BBOF1: variants seen among roughly 807,000 people sequenced by gnomAD.
BBOF1 encodes the protein basal body-orientation factor 1.
Under a neutral mutation model 68.0 loss-of-function variants are expected in BBOF1, and 62 were observed. That is an observed-to-expected ratio of 0.91 (90% CI 0.74 to 1.13). The LOEUF is 1.13. Ranked by LOEUF, BBOF1 falls within the 50% of genes most tolerant of loss-of-function variation. BBOF1 has a pLI of 0.00. For missense variants in BBOF1, 534 were observed against 600.1 expected (o/e 0.89, Z 1.15); for synonymous variants, 208 against 198.8 (o/e 1.05, Z -0.39).
chr14:74,052,127 G>C (rs1269618496), intron 8 of BBOF1, among the ~76,000 whole-genome samples: 1 of 151,642 alleles, frequency 6.6e-6, no homozygotes, highest in Non-Finnish European at 1.5e-5. Context: ...CAAATAAGTT[G>C]AGTCCCTACC....
chr14:74,032,435 G>A (rs980740045), intron 3 of BBOF1, among the ~76,000 whole-genome samples: 13 of 149,392 alleles, frequency 8.7e-5, no homozygotes, highest in Middle Eastern at 3.4e-3. Context: ...CCTCAAACTT[G>A]ATTTTTGCAA....
At chr14:74,068,666 C>A (rs1015225037), downstream of BBOF1, among the ~76,000 whole-genome samples, 1 of 151,976 alleles carries the variant, frequency 6.6e-6, no homozygotes, top group African/African-American at 2.4e-5. Context: ...TCGCTTGAAC[C>A]CGGGAGGCAG....
chr14:74,035,856 TCACA>T (rs72129796), intron 4 of BBOF1, among the ~76,000 whole-genome samples: 16,899 of 151,900 alleles, frequency 0.11, 1,223 homozygotes, highest in Admixed American at 0.19. Context: ...GCCTTCAAAG[TCACA>T]TAGCATTACT....
chr14:74,047,910 A>C lies in BBOF1; in HGVS notation c.648-20A>C. 1 of 1,576,460 alleles carries C rather than the reference A, an allele frequency of 6.3e-7. No individual in the cohort carries two copies. The highest frequency in any genetic ancestry group is 8.6e-7 in the Non-Finnish European group (1 of 1,164,344). ...ATCTAAAAGTTAGACCTGTGTTTTG[A>C]GATCTTATATCTATTTCAGGCAATT... On this transcript the variant is annotated intron_variant, in intron 6 of 11. Transcript: ENST00000394009.
In BBOF1 at chr14:74,055,591, A is replaced by G; in HGVS notation, c.1294A>G (p.Ile432Val). Residue 432 changes from isoleucine (I) to valine (V), a missense_variant, in exon 9 of 12, where the codon ATT becomes GTT. Ile to Val is a conservative substitution (Grantham distance 29, BLOSUM62 3). Coordinates refer to ENST00000394009, the MANE Select transcript of BBOF1 (RefSeq NM_025057.3). Reference sequence around the variant, plus strand: ...TCCTTTGAAATTCTTTAGGACACATATTGAAGGAAATGTGGATATTGGAGA... The same window carrying G: ...TCCTTTGAAATTCTTTAGGACACATGTTGAAGGAAATGTGGATATTGGAGA... ...DLLEAEKWTH[I>V]EGNVDIGDLT... The G allele has an allele frequency of 6.2e-7, 1 of 1,610,498 alleles. No homozygotes were observed. Among genetic ancestry groups the G allele is most frequent in the Non-Finnish European group, 8.5e-7 (1 of 1,177,090 alleles).
downstream of BBOF1, among the ~76,000 whole-genome samples, chr14:74,070,474 G>A (rs909061644): frequency 6.6e-6 from 1 of 152,056 alleles, no homozygotes; most frequent in Non-Finnish European, 1.5e-5. Flanking sequence ...AGCCGAGATC[G>A]CACCACTGCT....
At chr14:74,060,200 C>T (rs1197758905) in intron 11 of BBOF1, 6 of 158,058 alleles carry the variant, frequency 3.8e-5, no homozygotes, top group Admixed American at 1.2e-4. Context: ...ATAATAGATA[C>T]GGGGTTTCGC....
rs149259494 is a variant in BBOF1 at position 74,055,612 on chromosome 14, G to C, written c.1315G>C (p.Gly439Arg). The C allele has an allele frequency of 6.2e-7, 1 of 1,613,460 alleles. No individual in the cohort carries two copies. The part of the protein sequence containing the change: ...WTHIEGNVDI[G>R]DLTWEQKEKV... ...ACATATTGAAGGAAATGTGGATATT[G>C]GAGATTTGACCTGGGAGCAGAAGGA... The change falls in exon 9 of 12, where the codon GGA becomes CGA. Residue 439 changes from glycine (G) to arginine (R), a missense_variant. By Grantham distance (125) the Gly-to-Arg change is moderately radical. Transcript: ENST00000394009.
rs763087525 is a variant in BBOF1, at chr14:74,019,552, G to A, written c.56+18G>A. On this transcript the variant is annotated intron_variant, in intron 1 of 11. Transcript: ENST00000394009. The stretch of plus-strand genomic sequence containing the variant: ...GACACGAAGTAAGGAGAAGCCACCC[G>A]AGAGTCCCCTCTCCCTGGGCCTGCC... 1 of 1,583,956 alleles carries A rather than the reference G, an allele frequency of 6.3e-7. No homozygotes were observed. The highest frequency in any genetic ancestry group is 1.1e-5 in the South Asian group (1 of 87,160).
intron 8 of BBOF1, among the ~76,000 whole-genome samples, chr14:74,054,303 C>G (rs138566592): frequency 6.6e-6 from 1 of 152,026 alleles, no homozygotes; most frequent in Non-Finnish European, 1.5e-5. Context: ...AGCCACCGCA[C>G]CTGGCCTAAA....
At chr14:74,057,469 C>T in intron 11 of BBOF1, 1 of 1,443,856 alleles carries the variant, frequency 6.9e-7, no homozygotes. Flanking sequence ...ATGTGTGCCT[C>T]TTTTTGTGTA....
chr14:74,075,168 C>A (rs900967536), intron 9 of BBOF1: 2 of 694,440 alleles, frequency 2.9e-6, no homozygotes, highest in African/African-American at 3.6e-5. Flanking sequence ...AGATATGAAT[C>A]TATGACACAG....
At chr14:74,057,013 A>G in intron 10 of BBOF1, 33 bp downstream of exon 10, 1 of 1,594,410 alleles carries the variant, frequency 6.3e-7, no homozygotes, top group African/African-American at 1.3e-5. Context: ...AATAAACATG[A>G]GCCCAACACG....
intron 3 of BBOF1, 135 bp downstream of exon 3, chr14:74,029,384 A>T (rs1049574004): frequency 1.8e-6 from 1 of 563,958 alleles, no homozygotes; most frequent in Non-Finnish European, 3.2e-6. Context: ...TTGATTGTAT[A>T]GAAATTCAAA....
intron 10 of BBOF1, among the ~76,000 whole-genome samples, chr14:74,079,004 C>A (rs1225626823): frequency 6.6e-6 from 1 of 151,726 alleles, no homozygotes; most frequent in Non-Finnish European, 1.5e-5. Flanking sequence ...TGGTCCTAGG[C>A]CTTCTTTTCT....
Position 74,046,091 on chromosome 14 carries a change from T to A in BBOF1, c.608T>A (p.Ile203Lys), listed in dbSNP as rs745320500. 6.2e-7 allele frequency: 1 copy of A among 1,609,168 alleles called. No homozygotes were observed. The highest frequency in any genetic ancestry group is 1.7e-5 in the Admixed American group (1 of 59,168). ...CTAGAACAAGAGGCTGAAAAGAAGA[T>A]AATAATGCTAGCAGAGAGAGCCCAC... ...HRLEQEAEKK[I>K]IMLAERAHHE... The change falls in exon 6 of 12, where the codon ATA (isoleucine) becomes AAA (lysine). Residue 203 changes from isoleucine (I) to lysine (K), a missense_variant. Ile to Lys is a moderately radical substitution (Grantham distance 102). Coordinates refer to ENST00000394009, the MANE Select transcript of BBOF1 (RefSeq NM_025057.3).
In BBOF1 at chr14:74,055,723, A is replaced by G. The variant is rs767784881; in HGVS notation, c.1388+38A>G. 3.4e-6 allele frequency: 5 copies of G among 1,478,636 alleles called. No homozygotes were observed. In the African/African-American group the frequency reaches 4.2e-5, roughly 12 times the overall value. 91.6% of individuals were successfully genotyped at this position (1,478,636 alleles called of 1,614,324 possible). On this transcript the variant is annotated intron_variant, in intron 9 of 11. Coordinates refer to ENST00000394009, the MANE Select transcript of BBOF1 (RefSeq NM_025057.3). ...TTCTGCAGTGAAATACCAAGTTGTT[A>G]TCAAATCTAGAAACCACTTAGGAAC...
chr14:74,025,437 A>G (rs2059401691), intron 2 of BBOF1, among the ~76,000 whole-genome samples: 1 of 152,218 alleles, frequency 6.6e-6, no homozygotes, highest in South Asian at 2.1e-4. Flanking sequence ...TTTGCTATAT[A>G]CTAGAAAAAT....
At chr14:74,073,917 CAAAAAAA>C (rs5809643) in intron 9 of BBOF1, among the ~76,000 whole-genome samples, 1 of 77,018 alleles carries the variant, frequency 1.3e-5, no homozygotes, top group African/African-American at 5.4e-5. Context: ...GACTCCATCT[CAAAAAAA>C]AAAAAAAAAA....
Sources: gnomAD v4.1 joint callset for allele counts (sites outside exome capture counted in the v4.1 genomes callset) on GRCh38, gnomAD v4.1.1 for gene constraint, MANE v1.5 for transcripts, NCBI Gene and HGNC (gene_info 2026-07-23, HGNC 2026-07-21) for gene names.